Variants in RYR2 observed in about 807,000 individuals in gnomAD.
RYR2 encodes cardiac muscle ryanodine receptor-calcium release channel.
Under a neutral mutation model 601.1 loss-of-function variants are expected in RYR2, and 227 were observed. The ratio of observed to expected loss-of-function variants is 0.38; its 90% CI spans 0.34 to 0.42. The LOEUF is 0.42. Among genes scored for constraint, RYR2 ranks in the 10% least tolerant of loss-of-function variants. The pLI is 1.00. For missense variants in RYR2, 4,646 were observed against 6,156.5 expected (o/e 0.75, Z 8.21); for synonymous variants, 2,223 against 2,175.1 (o/e 1.02, Z -0.61).
intron 1 of RYR2, among the ~76,000 whole-genome samples, chr1:237,252,003 C>T (rs1687513619): frequency 6.6e-6 from 1 of 152,058 alleles, no homozygotes. Flanking sequence ...TTTCCCGGCA[C>T]TTCCACAGGT....
rs1294784611 is a variant in RYR2 at position 237,809,144 on chromosome 1, CAAAT to C, written c.14433+113_14433+116del. The C allele has an allele frequency of 4.5e-5, 48 of 1,064,008 alleles. No homozygotes were observed. The South Asian group carries it at 5.4e-4, about 12-fold the overall frequency. The allele number at this position is 1,064,008 out of a possible 1,614,324, so 65.9% of individuals were successfully genotyped here. A position where few individuals can be genotyped will look rare whatever the true frequency, so the allele number is the denominator to read the frequency against. On this transcript the variant is annotated intron_variant, in intron 100 of 104. Coordinates refer to ENST00000366574, the MANE Select transcript of RYR2 (RefSeq NM_001035.3). ...AGTACAAAATAGAAAATAGTCTAAA[CAAAT>C]AAAAAGTTGCAGGGCTGTTTAAAGA...
intron 1 of RYR2, among the ~76,000 whole-genome samples, chr1:237,208,970 A>ATGTG (rs1465329377): frequency 5.5e-5 from 5 of 91,532 alleles, no homozygotes; most frequent in Non-Finnish European, 7.5e-5. Context: ...ATATATATAT[A>ATGTG]TATATATATA....
chr1:237,477,243 A>G (rs1661513898), intron 17 of RYR2, among the ~76,000 whole-genome samples: 2 of 152,050 alleles, frequency 1.3e-5, no homozygotes, highest in South Asian at 4.2e-4. Flanking sequence ...ATATAAAAAT[A>G]AGCTGGGCGT....
intron 10 of RYR2, among the ~76,000 whole-genome samples, chr1:237,394,625 C>A (rs538431438): frequency 6.6e-6 from 1 of 152,166 alleles, no homozygotes; most frequent in South Asian, 2.1e-4. Context: ...TCTGAAATAA[C>A]CTTTTAAGAC....
At chr1:237,637,431 T>C (rs929861207) in intron 44 of RYR2, among the ~76,000 whole-genome samples, 3 of 152,186 alleles carry the variant, frequency 2.0e-5, no homozygotes, top group African/African-American at 4.8e-5. Flanking sequence ...CAAAAATATG[T>C]TATGTGCTAA....
chr1:237,710,777 C>G (rs1573622896), intron 70 of RYR2, among the ~76,000 whole-genome samples: 1 of 150,338 alleles, frequency 6.7e-6, no homozygotes, highest in South Asian at 2.1e-4. Flanking sequence ...GGCTGCAGTG[C>G]CCTATCATTG....
intron 14 of RYR2, among the ~76,000 whole-genome samples, chr1:237,451,448 CCTGTAATCTCAG>C (rs1658101552): frequency 6.6e-6 from 1 of 151,906 alleles, no homozygotes; most frequent in Non-Finnish European, 1.5e-5. Flanking sequence ...TGGGCATGAG[CCTGTAATCTCAG>C]CTGTTCTGGA....
intron 2 of RYR2, among the ~76,000 whole-genome samples, chr1:237,321,383 A>G (rs1220312481): frequency 6.6e-6 from 1 of 152,090 alleles, no homozygotes; most frequent in East Asian, 1.9e-4. Flanking sequence ...AGATTTTATT[A>G]TACTTCATTG....
rs1052923192 is a variant in RYR2 at position 237,133,937 on chromosome 1, A to AAAAAAC, written c.48+91371_48+91372insAACAAA. Among the ~76,000 whole-genome samples the AAAAAAC allele has an allele frequency of 2.6e-5, 4 of 151,584 alleles. No homozygotes were observed. The East Asian group carries it at 7.8e-4, about 29-fold the overall frequency. On this transcript the variant is annotated intron_variant, in intron 1 of 104. Transcript: ENST00000366574. ...AAGACTCCGTCTCAAAAAAAAAAAA[A>AAAAAAC]AAACCAAGTGGGAGTCATCCCTTAG...
At chr1:237,732,755 A>T (rs1433575245) in intron 78 of RYR2, among the ~76,000 whole-genome samples, 2 of 152,212 alleles carry the variant, frequency 1.3e-5, no homozygotes, top group African/African-American at 4.8e-5. Context: ...AGCATCTGTC[A>T]TTACGGAGGG....
intron 1 of RYR2, among the ~76,000 whole-genome samples, chr1:237,134,020 A>G (rs1030392093): frequency 2.7e-5 from 4 of 150,750 alleles, no homozygotes; most frequent in African/African-American, 9.8e-5. Context: ...GTTGGTGGTT[A>G]TTGGAGGTGT....
chr1:237,231,094 T>A (rs1397196422), intron 1 of RYR2, among the ~76,000 whole-genome samples: 2 of 152,048 alleles, frequency 1.3e-5, no homozygotes, highest in Admixed American at 1.3e-4. Context: ...AATTGTTTTG[T>A]TTCTAAGTGG....
intron 28 of RYR2, among the ~76,000 whole-genome samples, chr1:237,567,056 C>A (rs1672158534): frequency 6.6e-6 from 1 of 152,090 alleles, no homozygotes; most frequent in African/African-American, 2.4e-5. Flanking sequence ...AGGAAAAATG[C>A]ATATACATTG....
At chr1:237,581,012 A>G (rs1433093486) in intron 29 of RYR2, among the ~76,000 whole-genome samples, 3 of 152,166 alleles carry the variant, frequency 2.0e-5, no homozygotes, top group Non-Finnish European at 4.4e-5. Flanking sequence ...GAGCTGACCA[A>G]TACACCACCC....
chr1:237,061,802 G>GT (rs984864141), intron 1 of RYR2, among the ~76,000 whole-genome samples: 1,641 of 147,330 alleles, frequency 0.011, 37 homozygotes, highest in African/African-American at 0.036. Flanking sequence ...ATGGTTTGTG[G>GT]TTTTTTTTTT....
intron 1 of RYR2, among the ~76,000 whole-genome samples, chr1:237,084,220 T>C (rs1666054918): frequency 6.6e-6 from 1 of 152,202 alleles, no homozygotes; most frequent in Non-Finnish European, 1.5e-5. Context: ...ATGCTCATGG[T>C]ATTTCAAATT....
intron 27 of RYR2, among the ~76,000 whole-genome samples, chr1:237,559,100 C>A (rs1273192480): frequency 6.6e-6 from 1 of 151,316 alleles, no homozygotes; most frequent in Non-Finnish European, 1.5e-5. Context: ...GTTCAAGTGA[C>A]TGTCCTGCCT....
At chr1:237,636,485 ACT>A (rs1308716559) in intron 44 of RYR2, among the ~76,000 whole-genome samples, 1 of 152,214 alleles carries the variant, frequency 6.6e-6, no homozygotes, top group African/African-American at 2.4e-5. Context: ...TAATCTACAC[ACT>A]CATTAAAATG....
intron 1 of RYR2, among the ~76,000 whole-genome samples, chr1:237,231,059 T>C (rs1684945750): frequency 6.6e-6 from 1 of 152,132 alleles, no homozygotes; most frequent in African/African-American, 2.4e-5. Context: ...GTGAGGATTA[T>C]GAGATTTGTT....
Sources: allele counts gnomAD v4.1 joint callset (sites outside exome capture counted in the v4.1 genomes callset), GRCh38; gene constraint gnomAD v4.1.1; transcripts MANE v1.5; gene names NCBI Gene and HGNC (gene_info 2026-07-23, HGNC 2026-07-21).